TXNRD1: variants seen among roughly 807,000 people sequenced by gnomAD.
TXNRD1 encodes the protein thioredoxin reductase 1, also known as thioredoxin reductase 1, cytoplasmic.
In TXNRD1, 57 loss-of-function variants were observed where a neutral mutation model predicts 80.3. The observed-to-expected ratio is 0.71, with a 90% CI of 0.57 to 0.89. The LOEUF (loss-of-function observed/expected upper bound fraction) is 0.89, where lower values mean the gene tolerates loss of function less well. Ranked by LOEUF, TXNRD1 falls within the 40% of genes least tolerant of loss-of-function variation. The pLI is 0.00. For synonymous variants in TXNRD1, 291 were observed against 285.2 expected, an observed-to-expected ratio of 1.02 and a Z score of -0.20; for missense variants, 730 against 803.0, an observed-to-expected ratio of 0.91 and a Z score of 1.10.
chr12:104,326,372 C>T lies in TXNRD1; in HGVS notation c.1334C>T (p.Ala445Val), dbSNP rs1404788415. The T allele has an allele frequency of 6.3e-7, 1 of 1,593,334 alleles. No homozygotes were observed. Among genetic ancestry groups the T allele is most frequent in the Non-Finnish European group, 8.5e-7 (1 of 1,171,792 alleles). ...NTVMLAIGRD[A>V]CTRKIGLETV... ...GTGATGCTGGCAATAGGAAGAGATG[C>T]TTGCACAAGAAAAATTGGCTTAGAA... Residue 445 changes from alanine to valine, a missense_variant, in exon 12 of 17, where the codon GCT becomes GTT. Ala to Val is a moderately conservative substitution (Grantham distance 64). Coordinates refer to ENST00000525566, the MANE Select transcript of TXNRD1 (RefSeq NM_001093771.3).
chr12:104,348,676 C>T lies in TXNRD1; in HGVS notation c.*255C>T, dbSNP rs150247725. On this transcript the variant is annotated 3_prime_UTR_variant, in exon 17 of 17. Coordinates refer to ENST00000525566, the MANE Select transcript of TXNRD1 (RefSeq NM_001093771.3). ...CGAAGGGATGCATCCATGAAGTCACCAGTCTCAAGCCCATGTGGTAGGCGG... is the reference window on the plus strand; with the variant it reads ...CGAAGGGATGCATCCATGAAGTCACTAGTCTCAAGCCCATGTGGTAGGCGG... The T allele has an allele frequency of 1.3e-4, 63 of 489,052 alleles. No homozygotes were observed. The highest frequency in any genetic ancestry group is 1.1e-3 in the African/African-American group (57 of 51,542). The allele number at this position is 489,052 out of a possible 1,614,324, so 30.3% of individuals were successfully genotyped here.
chr12:104,321,154 C>T lies in TXNRD1; in HGVS notation c.1053C>T (p.Val351=), dbSNP rs373076587. 4 of 1,611,994 alleles carry T rather than the reference C, an allele frequency of 2.5e-6. No homozygotes were observed. Among genetic ancestry groups the T allele is most frequent in the African/African-American group, 1.3e-5 (1 of 74,284 alleles). ...CCCTGGTTGTTGGAGCATCCTATGT[C>T]GCTTTGGAGTGCGCTGGATTTCTTG... is the stretch of plus-strand genomic sequence containing the variant. ...GKTLVVGASY[V]ALECAGFLAG... Residue 351 remains valine, a synonymous_variant, in exon 10 of 17, where the codon GTC becomes GTT. Coordinates refer to ENST00000525566, the MANE Select transcript of TXNRD1 (RefSeq NM_001093771.3).
chr12:104,318,441 G>A (rs1478216583), intron 7 of TXNRD1, among the ~76,000 whole-genome samples: 1 of 152,154 alleles, frequency 6.6e-6, no homozygotes, highest in Non-Finnish European at 1.5e-5. Context: ...AAATAAATAA[G>A]CATGGCTGTA....
At chr12:104,289,293 CT>C in intron 4 of TXNRD1, 1 of 372,174 alleles carries the variant, frequency 2.7e-6, no homozygotes, top group East Asian at 4.4e-5. Context: ...TAAAAATGTC[CT>C]TTTTCTCCTA....
intron 3 of TXNRD1, 39 bp from the exon 4 acceptor site, chr12:104,288,892 A>G (rs777434211): frequency 5.6e-6 from 9 of 1,613,684 alleles, no homozygotes; most frequent in Admixed American, 1.7e-5. Flanking sequence ...GCGGGGGAGA[A>G]GCACCTTACA....
At chr12:104,288,368 A>T (rs1222337938) in intron 3 of TXNRD1, among the ~76,000 whole-genome samples, 1 of 152,184 alleles carries the variant, frequency 6.6e-6, no homozygotes, top group South Asian at 2.1e-4. Context: ...AAATTTTACC[A>T]TTAGTGCCTA....
chr12:104,299,355 A>G (rs943689073), intron 4 of TXNRD1, among the ~76,000 whole-genome samples: 2 of 152,102 alleles, frequency 1.3e-5, no homozygotes, highest in Non-Finnish European at 2.9e-5. Context: ...GTCTTTTCAG[A>G]AACTAATTTT....
At chr12:104,232,169 A>C (rs1239708221) in intron 1 of TXNRD1, among the ~76,000 whole-genome samples, 2 of 152,240 alleles carry the variant, frequency 1.3e-5, no homozygotes, top group East Asian at 1.9e-4. Flanking sequence ...CTTTAAAGCC[A>C]AGCCCAGCCA....
chr12:104,229,312 T>C (rs541145138), intron 1 of TXNRD1, among the ~76,000 whole-genome samples: 190 of 151,838 alleles, frequency 1.3e-3, no homozygotes, highest in Non-Finnish European at 1.4e-3. Context: ...CATGTCTGGC[T>C]AATTTTTGTA....
At position 104,265,974 on chromosome 12, in the gene TXNRD1, G is replaced by T. The variant is rs1320922483; in HGVS notation, c.304+7895G>T. On this transcript the variant is annotated intron_variant, in intron 3 of 16. Transcript: ENST00000525566. ...AAATCTTAAAAAAAAAAAAAGAAAAGAAATAATAATAGGTTTTTAAAAATC... is the reference window on the plus strand; with the variant it reads ...AAATCTTAAAAAAAAAAAAAGAAAATAAATAATAATAGGTTTTTAAAAATC... 6 of 591,758 alleles carry T rather than the reference G, an allele frequency of 1.0e-5. 1 individual carries two copies. The highest frequency in any genetic ancestry group is 9.0e-5 in the South Asian group (4 of 44,584). The allele number at this position is 591,758 out of a possible 1,614,324, so 36.7% of individuals were successfully genotyped here.
chr12:104,281,811 G>C (rs915860510), intron 3 of TXNRD1, among the ~76,000 whole-genome samples: 11 of 151,896 alleles, frequency 7.2e-5, no homozygotes, highest in African/African-American at 2.2e-4. Flanking sequence ...TCACACTCTG[G>C]CATCTTACCA....
At chr12:104,223,546 T>C (rs1488461373) in intron 1 of TXNRD1, among the ~76,000 whole-genome samples, 1 of 152,174 alleles carries the variant, frequency 6.6e-6, no homozygotes, top group Admixed American at 6.5e-5. Context: ...TGGACTACCA[T>C]TGTTGGGAGA....
chr12:104,288,684 G>C, intron 3 of TXNRD1: 1 of 1,284,720 alleles, frequency 7.8e-7, no homozygotes, highest in Non-Finnish European at 1.0e-6. Context: ...GAACTCTGAC[G>C]TTTACAGCTA....
At chr12:104,343,715 C>T (rs535590385) in intron 16 of TXNRD1, among the ~76,000 whole-genome samples, 2 of 152,198 alleles carry the variant, frequency 1.3e-5, no homozygotes, top group South Asian at 4.2e-4. Context: ...GCACAAGAAT[C>T]ACTTGAACCC....
intron 16 of TXNRD1, among the ~76,000 whole-genome samples, 156 bp from the exon 17 acceptor site, chr12:104,348,197 G>C (rs1190620276): frequency 6.6e-6 from 1 of 152,080 alleles, no homozygotes; most frequent in African/African-American, 2.4e-5. Flanking sequence ...ATTCTCTGGA[G>C]AAATAGAAGA....
At chr12:104,283,338 G>A (rs1364887153) in intron 3 of TXNRD1, among the ~76,000 whole-genome samples, 2 of 151,884 alleles carry the variant, frequency 1.3e-5, no homozygotes, top group African/African-American at 2.4e-5. Context: ...CGCAACTTCC[G>A]TCTCCTGGGT....
At chr12:104,235,434 T>G (rs2032717663) in intron 1 of TXNRD1, among the ~76,000 whole-genome samples, 1 of 151,906 alleles carries the variant, frequency 6.6e-6, no homozygotes, top group African/African-American at 2.4e-5. Context: ...GCTTTGAAAA[T>G]AGAGGACAAG....
intron 3 of TXNRD1, among the ~76,000 whole-genome samples, chr12:104,273,067 A>G (rs1271769453): frequency 6.6e-6 from 1 of 152,180 alleles, no homozygotes; most frequent in African/African-American, 2.4e-5. Flanking sequence ...CCATGTCTGC[A>G]TATCTGCAAC....
Position 104,322,314 on chromosome 12 carries a change from A to G in TXNRD1, c.1215+998A>G, listed in dbSNP as rs536148833. ...TCTCATAATATTGTTATGAAGATTAAGGCACAAATTTCCTGGAAGCTGTCA... is the reference window on the plus strand; with the variant it reads ...TCTCATAATATTGTTATGAAGATTAGGGCACAAATTTCCTGGAAGCTGTCA... On this transcript the variant is annotated intron_variant, in intron 10 of 16. Transcript: ENST00000525566. Among the ~76,000 whole-genome samples the G allele has an allele frequency of 3.9e-5, 6 of 151,984 alleles. No homozygotes were observed. In the South Asian group the frequency reaches 1.2e-3, roughly 32 times the overall value.
Sources: gnomAD v4.1 joint callset for allele counts (sites outside exome capture counted in the v4.1 genomes callset) on GRCh38, gnomAD v4.1.1 for gene constraint, MANE v1.5 for transcripts, NCBI Gene and HGNC (gene_info 2026-07-23, HGNC 2026-07-21) for gene names.